MALRD1: variants seen among roughly 807,000 people sequenced by gnomAD.
The protein encoded by MALRD1 is MAM and LDL receptor class A domain containing 1, also known as MAM and LDL-receptor class A domain-containing protein 1.
In MALRD1, 247 loss-of-function variants were observed where a neutral mutation model predicts 242.1. The ratio of observed to expected loss-of-function variants is 1.02; its 90% CI spans 0.92 to 1.13. The LOEUF is 1.13. MALRD1 is among the 50% of genes most tolerant of loss of function. The probability of loss-of-function intolerance (pLI) is 0.00; values close to 1 mark genes in which losing one functional copy is unlikely to be tolerated. For synonymous variants in MALRD1, 995 were observed against 866.6 expected, an observed-to-expected ratio of 1.15 and a Z score of -2.60; for missense variants, 2,989 against 2,533.1, an observed-to-expected ratio of 1.18 and a Z score of -3.86.
chr10:19,315,043 T>C (rs1195918070), intron 21 of MALRD1, among the ~76,000 whole-genome samples: 2 of 142,626 alleles, frequency 1.4e-5, no homozygotes, highest in Non-Finnish European at 1.5e-5. Context: ...TTTATATAAA[T>C]ATGTAAATAT....
At chr10:19,301,251 C>A (rs770566882) in intron 21 of MALRD1, among the ~76,000 whole-genome samples, 1 of 151,868 alleles carries the variant, frequency 6.6e-6, no homozygotes, top group African/African-American at 2.4e-5. Flanking sequence ...AATGCTTATA[C>A]CCTGCTGGTG....
chr10:19,265,644 T>C (rs1839942165), intron 19 of MALRD1, among the ~76,000 whole-genome samples: 1 of 152,124 alleles, frequency 6.6e-6, no homozygotes, highest in Non-Finnish European at 1.5e-5. Flanking sequence ...ACTAACATAT[T>C]ATCTATCCTG....
At chr10:19,121,043 CTT>C (rs71387043) in intron 5 of MALRD1, among the ~76,000 whole-genome samples, 6 of 106,574 alleles carry the variant, frequency 5.6e-5, no homozygotes, top group African/African-American at 7.5e-5. Context: ...TGTGCCCGGC[CTT>C]TTTTTTTTTT....
chr10:19,449,310 GGGA>G (rs1471101608), intron 28 of MALRD1, among the ~76,000 whole-genome samples: 1 of 152,116 alleles, frequency 6.6e-6, no homozygotes, highest in Non-Finnish European at 1.5e-5. Context: ...CCAAGTAGCT[GGGA>G]CTACTGGCGT....
At chr10:19,446,511 AGGAGATCT>A (rs2131016754) in intron 28 of MALRD1, among the ~76,000 whole-genome samples, 1 of 152,348 alleles carries the variant, frequency 6.6e-6, no homozygotes, top group East Asian at 1.9e-4. Context: ...GGAACTTCCA[AGGAGATCT>A]GTCTATTAAT....
intron 34 of MALRD1, among the ~76,000 whole-genome samples, chr10:19,603,339 C>A (rs185575454): frequency 6.6e-6 from 1 of 152,116 alleles, no homozygotes; most frequent in East Asian, 1.9e-4. Context: ...CTAACATTTA[C>A]GTCTTTAGTC....
rs1016589929 is a variant in MALRD1 at position 19,209,535 on chromosome 10, T to C, written c.2846T>C (p.Met949Thr). The change falls in exon 18 of 40, where the codon ATG (methionine) becomes ACG (threonine). Residue 949 changes from methionine (M) to threonine (T), a missense_variant. Coordinates refer to ENST00000454679, the MANE Select transcript of MALRD1 (RefSeq NM_001142308.3). ...TGCACCTTCCGCTTCTATTACCACA[T>C]GTTTGGAAAGCGCATTTATAGGTTG... Reference protein sequence around the residue: ...KGCTFRFYYHMFGKRIYRLAI... With the variant: ...KGCTFRFYYHTFGKRIYRLAI... 27 of 1,550,494 alleles carry C rather than the reference T, an allele frequency of 1.7e-5. No individual in the cohort carries two copies. Among genetic ancestry groups the C allele is most frequent in the African/African-American group, 4.1e-5 (3 of 73,040 alleles).
chr10:19,461,762 T>G (rs1835957907), intron 29 of MALRD1, among the ~76,000 whole-genome samples: 1 of 152,106 alleles, frequency 6.6e-6, no homozygotes, highest in South Asian at 2.1e-4. Flanking sequence ...GAAGATCACT[T>G]GAGCCTGGGA....
intron 5 of MALRD1, among the ~76,000 whole-genome samples, chr10:19,117,134 A>G (rs902792382): frequency 4.0e-5 from 6 of 151,292 alleles, no homozygotes; most frequent in Non-Finnish European, 7.4e-5. Context: ...GTGAGAGGAG[A>G]GAGGGAAGAA....
chr10:19,586,621 C>G (rs1015323672), intron 33 of MALRD1, among the ~76,000 whole-genome samples: 2 of 152,212 alleles, frequency 1.3e-5, no homozygotes, highest in Non-Finnish European at 2.9e-5. Context: ...AACCACTGCT[C>G]TCTTCAAAGC....
intron 36 of MALRD1, among the ~76,000 whole-genome samples, chr10:19,660,736 G>C (rs992177810): frequency 3.3e-5 from 5 of 152,088 alleles, no homozygotes; most frequent in African/African-American, 1.2e-4. Context: ...ATTCTAGCAG[G>C]CTTTTCCACT....
intron 1 of MALRD1, chr10:19,051,518 GA>G: frequency 1.0e-5 from 2 of 193,300 alleles, no homozygotes; most frequent in African/African-American, 2.3e-5. Flanking sequence ...GGAAAAACTT[GA>G]AGGCCAGAAA....
intron 36 of MALRD1, among the ~76,000 whole-genome samples, chr10:19,682,970 G>T (rs1403054813): frequency 6.6e-6 from 1 of 152,030 alleles, no homozygotes; most frequent in East Asian, 1.9e-4. Context: ...TGTGTAACAG[G>T]ATCAAAAGCC....
chr10:19,199,077 G>T (rs1269495590), intron 14 of MALRD1, among the ~76,000 whole-genome samples: 3 of 152,002 alleles, frequency 2.0e-5, no homozygotes, highest in Non-Finnish European at 4.4e-5. Flanking sequence ...TCAAATAAAG[G>T]ACAACCTCTA....
chr10:19,519,866 C>T (rs1833800028), intron 31 of MALRD1, among the ~76,000 whole-genome samples: 2 of 152,136 alleles, frequency 1.3e-5, no homozygotes, highest in South Asian at 4.1e-4. Flanking sequence ...ATTAAACGGT[C>T]TACTTTCATA....
At chr10:19,274,227 G>A (rs1356332233) in intron 19 of MALRD1, among the ~76,000 whole-genome samples, 2 of 152,120 alleles carry the variant, frequency 1.3e-5, no homozygotes, top group Non-Finnish European at 2.9e-5. Flanking sequence ...TAACCCAAAT[G>A]TCTATTAACA....
In MALRD1 at chr10:19,229,698, TAAC is replaced by T. The variant is rs987108884; in HGVS notation, c.2991+20026_2991+20028del. ...GAAAAACAAGACAGAAAACAAACTA[TAAC>T]AACAACAGGCACCTTTTGTCTGTGG... On this transcript the variant is annotated intron_variant, in intron 18 of 39. Coordinates refer to ENST00000454679, the MANE Select transcript of MALRD1 (RefSeq NM_001142308.3). Among the ~76,000 whole-genome samples, 4 of 152,270 alleles carry T rather than the reference TAAC, an allele frequency of 2.6e-5. No homozygotes were observed. The East Asian group carries it at 5.8e-4, about 22-fold the overall frequency.
chr10:19,084,466 G>A (rs1414288879), intron 2 of MALRD1, among the ~76,000 whole-genome samples: 1 of 151,586 alleles, frequency 6.6e-6, no homozygotes, highest in Non-Finnish European at 1.5e-5. Context: ...CTATTAAAAT[G>A]CTCCTTTTTT....
intron 36 of MALRD1, among the ~76,000 whole-genome samples, chr10:19,661,680 T>C (rs1389851349): frequency 1.3e-5 from 2 of 152,176 alleles, no homozygotes; most frequent in Non-Finnish European, 2.9e-5. Context: ...ATACACCTAA[T>C]GTTAAATGAC....
Sources: gnomAD v4.1 joint callset for allele counts (sites outside exome capture counted in the v4.1 genomes callset) on GRCh38, gnomAD v4.1.1 for gene constraint, MANE v1.5 for transcripts, NCBI Gene and HGNC (gene_info 2026-07-23, HGNC 2026-07-21) for gene names.